Variants in RAB11FIP1 observed in about 807,000 individuals in gnomAD.
The protein encoded by RAB11FIP1 is RAB11 family interacting protein 1, also known as rab11 family-interacting protein 1.
RAB11FIP1 carries 49 observed loss-of-function variants against 83.1 expected under a neutral mutation model. That is an observed-to-expected ratio of 0.59 (90% CI 0.47 to 0.75). RAB11FIP1 has a LOEUF of 0.75. RAB11FIP1 is among the 30% of genes least tolerant of loss of function. RAB11FIP1 has a pLI of 0.00. For synonymous variants in RAB11FIP1, 670 were observed against 656.0 expected, an observed-to-expected ratio of 1.02 and a Z score of -0.33; for missense variants, 1,536 against 1,598.7, an observed-to-expected ratio of 0.96 and a Z score of 0.67.
intron 1 of RAB11FIP1, among the ~76,000 whole-genome samples, chr8:37,879,728 C>T (rs1284245000): frequency 1.3e-5 from 2 of 151,974 alleles, no homozygotes; most frequent in East Asian, 3.9e-4. Context: ...ACTAAAAATA[C>T]AAAAAATAGC....
At position 37,877,009 on chromosome 8, in the gene RAB11FIP1, A is replaced by G. The variant is rs532793575; in HGVS notation, c.814+100T>C. On this transcript the variant is annotated intron_variant, in intron 2 of 5. Transcript: ENST00000330843. ...CATGATTTTGTAATTGAGGAATTGA[A>G]TTAAACTCTTTCTCTTGAGATTTGT... is the stretch of plus-strand genomic sequence containing the variant. The G allele has an allele frequency of 5.2e-5, 47 of 903,396 alleles. No individual in the cohort carries two copies. In the South Asian group the frequency reaches 7.9e-4, roughly 15 times the overall value. The allele number at this position is 903,396 out of a possible 1,614,324, so 56.0% of individuals were successfully genotyped here.
chr8:37,899,010 C>T lies in RAB11FIP1; in HGVS notation c.371+61G>A, dbSNP rs557000560. The T allele has an allele frequency of 1.8e-3, 2,596 of 1,403,338 alleles. 7 individuals are homozygous for T. The highest frequency in any genetic ancestry group is 9.2e-3 in the Middle Eastern group (35 of 3,818). 86.9% of individuals were successfully genotyped at this position (1,403,338 alleles called of 1,614,324 possible). A position where few individuals can be genotyped will look rare whatever the true frequency, so the allele number is the denominator to read the frequency against. ...ACTCTCGAAGGGTCCAGCGCCCAGA[C>T]CGCCCTGCCGGAGGGGTCCGCGCCC... On this transcript the variant is annotated intron_variant, in intron 1 of 5. Coordinates refer to ENST00000330843, the MANE Select transcript of RAB11FIP1 (RefSeq NM_001002814.3). The surrounding 1 kb of genome is among the most constrained non-coding windows in gnomAD (Gnocchi z 4.5).
At chr8:37,878,407 G>A (rs1177758106) in intron 1 of RAB11FIP1, among the ~76,000 whole-genome samples, 8 of 151,134 alleles carry the variant, frequency 5.3e-5, no homozygotes, top group African/African-American at 1.2e-4. Flanking sequence ...GGTGGCAGGC[G>A]CCTGTGGTCC....
chr8:37,874,609 T>A lies in RAB11FIP1; in HGVS notation c.1528A>T (p.Ile510Phe), dbSNP rs770768566. The A allele has an allele frequency of 1.9e-6, 3 of 1,614,188 alleles. No homozygotes were observed. Among genetic ancestry groups the A allele is most frequent in the Non-Finnish European group, 2.5e-6 (3 of 1,180,024 alleles). The change falls in exon 3 of 6, where the codon ATC becomes TTC. Residue 510 changes from isoleucine to phenylalanine, a missense_variant. Transcript: ENST00000330843. ...TCTGGCTCAGCTTCTGGTTCTGTGA[T>A]CTGCACATCTTCAAAGAGGTTCAGG... ...SSLNLFEDVQ[I>F]TEPEAEPESK...
chr8:37,881,497 C>T (rs778141739), intron 1 of RAB11FIP1, among the ~76,000 whole-genome samples: 8 of 152,090 alleles, frequency 5.3e-5, no homozygotes, highest in Non-Finnish European at 8.8e-5. Context: ...AGTCATAAAT[C>T]GTTGAGATTA....
intron 1 of RAB11FIP1, among the ~76,000 whole-genome samples, chr8:37,880,424 G>A (rs561663559): frequency 7.9e-5 from 12 of 151,336 alleles, no homozygotes; most frequent in South Asian, 4.3e-4. Flanking sequence ...TCAGCCTCCC[G>A]AGTAGCTGGG....
rs549065236 is a variant in RAB11FIP1 at position 37,872,556 on chromosome 8, TCTC to T, written c.2243_2245del (p.Gly748del). The T allele has an allele frequency of 1.1e-4, 179 of 1,614,194 alleles. No homozygotes were observed. The African/African-American group carries it at 2.0e-3, about 18-fold the overall frequency. On this transcript the variant is annotated inframe_deletion, in exon 4 of 6. Transcript: ENST00000330843. ...CCCAGCCTGACTCTCCAAGTCTCTG[TCTC>T]CTCCTGCTGCAAGCTCCCCAACAGG...
At chr8:37,885,414 T>C (rs969489589) in intron 1 of RAB11FIP1, among the ~76,000 whole-genome samples, 2 of 152,162 alleles carry the variant, frequency 1.3e-5, no homozygotes, top group African/African-American at 2.4e-5. Flanking sequence ...TCAGTCTCCA[T>C]ACCAGAGACA....
chr8:37,871,234 G>A lies in RAB11FIP1; in HGVS notation c.3524+44C>T, dbSNP rs765025598. 4.5e-6 allele frequency: 7 copies of A among 1,545,434 alleles called. No individual in the cohort carries two copies. The African/African-American group carries it at 9.7e-5, about 21-fold the overall frequency. Reference sequence around the variant, plus strand: ...ACCTCTGCAGGTAGGAAGCAAAGGGGGACATTGCTCACATTTACATAGACA... The same window carrying A: ...ACCTCTGCAGGTAGGAAGCAAAGGGAGACATTGCTCACATTTACATAGACA... On this transcript the variant is annotated intron_variant, in intron 4 of 5. Coordinates refer to ENST00000330843, the MANE Select transcript of RAB11FIP1 (RefSeq NM_001002814.3).
At chr8:37,880,486 A>G (rs183159278) in intron 1 of RAB11FIP1, among the ~76,000 whole-genome samples, 10 of 152,090 alleles carry the variant, frequency 6.6e-5, no homozygotes, top group Non-Finnish European at 1.0e-4. Context: ...TTTAGTAGAG[A>G]CAGGGTATGG....
chr8:37,859,960 G>A lies in RAB11FIP1; in HGVS notation c.*2935C>T, dbSNP rs1806205224. 1 of 152,598 alleles carries A rather than the reference G, an allele frequency of 6.6e-6. No individual in the cohort carries two copies. The highest frequency in any genetic ancestry group is 1.5e-5 in the Non-Finnish European group (1 of 68,068). The allele number at this position is 152,598 out of a possible 1,614,324, so 9.5% of individuals were successfully genotyped here. On this transcript the variant is annotated 3_prime_UTR_variant, in exon 6 of 6. Transcript: ENST00000330843. The stretch of plus-strand genomic sequence containing the variant: ...GAGTCCTCAGGGACAGTTGTTAACT[G>A]AATGACCTCCAGGTTATCTACTTTG...
At chr8:37,897,918 T>A (rs1036526519) in intron 1 of RAB11FIP1, among the ~76,000 whole-genome samples, 12 of 152,150 alleles carry the variant, frequency 7.9e-5, no homozygotes, top group Non-Finnish European at 1.5e-4. Context: ...TCCCCCAACC[T>A]CCACCCACCC....
At chr8:37,864,101 A>C (rs1806296413) in intron 5 of RAB11FIP1, among the ~76,000 whole-genome samples, 2 of 152,212 alleles carry the variant, frequency 1.3e-5, no homozygotes, top group African/African-American at 4.8e-5. Flanking sequence ...AAATATGCGG[A>C]GTCAGAGCCA....
intron 1 of RAB11FIP1, among the ~76,000 whole-genome samples, chr8:37,887,053 T>C (rs780995851): frequency 2.0e-5 from 3 of 152,192 alleles, no homozygotes; most frequent in Admixed American, 6.5e-5. Flanking sequence ...AACACAGAAT[T>C]ACCCATCAGC....
rs1283761198 is a variant in RAB11FIP1 at position 37,862,556 on chromosome 8, A to G, written c.*339T>C. 4.9e-6 allele frequency: 1 copy of G among 202,574 alleles called. No homozygotes were observed. The highest frequency in any genetic ancestry group is 1.0e-5 in the Non-Finnish European group (1 of 98,230). 12.5% of individuals were successfully genotyped at this position (202,574 alleles called of 1,614,324 possible). The stretch of plus-strand genomic sequence containing the variant: ...AAAAAAATCTCAGTATGAAAGAAAG[A>G]AAACCCCAGTGTTAAAATACATGAA... On this transcript the variant is annotated 3_prime_UTR_variant, in exon 6 of 6. Coordinates refer to ENST00000330843, the MANE Select transcript of RAB11FIP1 (RefSeq NM_001002814.3).
chr8:37,874,518 G>T lies in RAB11FIP1; in HGVS notation c.1619C>A (p.Pro540His), dbSNP rs971647327. Residue 540 changes from proline to histidine, a missense_variant, in exon 3 of 6, where the codon CCC becomes CAC. Pro to His is a moderately conservative substitution (Grantham distance 77). Coordinates refer to ENST00000330843, the MANE Select transcript of RAB11FIP1 (RefSeq NM_001002814.3). ...PRAPQTRAVK[P>H]RLEVSPEAQP... ...CACGAGAAGAGCCAAAACTCACCGGGGCTTGACAGCTCTGGTCTGGGGAGC... is the reference window on the plus strand; with the variant it reads ...CACGAGAAGAGCCAAAACTCACCGGTGCTTGACAGCTCTGGTCTGGGGAGC... 6.2e-7 allele frequency: 1 copy of T among 1,613,594 alleles called. No individual in the cohort carries two copies. Among genetic ancestry groups the T allele is most frequent in the East Asian group, 2.2e-5 (1 of 44,882 alleles).
At chr8:37,880,114 C>T (rs964951235) in intron 1 of RAB11FIP1, among the ~76,000 whole-genome samples, 1 of 152,096 alleles carries the variant, frequency 6.6e-6, no homozygotes, top group African/African-American at 2.4e-5. Flanking sequence ...AAGGAGATCT[C>T]ATGGCATTCA....
At position 37,872,902 on chromosome 8, in the gene RAB11FIP1, C is replaced by T. The variant is rs1200061550; in HGVS notation, c.1900G>A (p.Ala634Thr). Reference sequence around the variant, plus strand: ...GTTAAACTCTCAGTTTGCAACTCTGCCTTAGGGAGCAAGGGTGGTCCTTCA... The same window carrying T: ...GTTAAACTCTCAGTTTGCAACTCTGTCTTAGGGAGCAAGGGTGGTCCTTCA... The part of the protein sequence containing the change: ...KSEGPPLLPK[A>T]ELQTESLTPV... Residue 634 changes from alanine to threonine, a missense_variant, in exon 4 of 6, where the codon GCA becomes ACA. Ala to Thr is a moderately conservative substitution (Grantham distance 58, BLOSUM62 0). Coordinates refer to ENST00000330843, the MANE Select transcript of RAB11FIP1 (RefSeq NM_001002814.3). 6.2e-7 allele frequency: 1 copy of T among 1,614,186 alleles called. No homozygotes were observed. Among genetic ancestry groups the T allele is most frequent in the Non-Finnish European group, 8.5e-7 (1 of 1,180,036 alleles).
intron 1 of RAB11FIP1, among the ~76,000 whole-genome samples, chr8:37,894,789 G>A (rs938247033): frequency 2.7e-5 from 4 of 148,044 alleles, no homozygotes; most frequent in African/African-American, 5.0e-5. Context: ...CGTTCTTGTC[G>A]CCCAGGCTGG....
Sources: gnomAD v4.1 joint callset for allele counts (sites outside exome capture counted in the v4.1 genomes callset) on GRCh38, gnomAD v4.1.1 for gene constraint, Gnocchi (gnomAD v3.1) non-coding constraint, MANE v1.5 for transcripts, NCBI Gene and HGNC (gene_info 2026-07-23, HGNC 2026-07-21) for gene names.